CSTPP1: variants seen among roughly 807,000 people sequenced by gnomAD.
CSTPP1 encodes centriolar satellite-associated tubulin polyglutamylase complex regulator 1, also known as UPF0705 protein C11orf49.
chr11:47,111,751 A>G, the CSTPP1 span, among the ~76,000 whole-genome samples: 1 of 152,184 alleles, frequency 6.6e-6, no homozygotes, highest in Non-Finnish European at 1.5e-5. Flanking sequence ...ACCAAAGTAC[A>G]TAAATGGTGC....
chr11:47,022,266 A>C, the CSTPP1 span, among the ~76,000 whole-genome samples: 2 of 151,222 alleles, frequency 1.3e-5, no homozygotes, highest in African/African-American at 4.9e-5. Flanking sequence ...TTGTAAATGA[A>C]TTTGATGTCT....
chr11:47,101,620 T>C, the CSTPP1 span, among the ~76,000 whole-genome samples: 1 of 151,982 alleles, frequency 6.6e-6, no homozygotes, highest in Non-Finnish European at 1.5e-5. Context: ...AAAACTTGCA[T>C]ACCTCCTATA....
chr11:47,037,429 C>T, the CSTPP1 span, among the ~76,000 whole-genome samples: 2 of 117,446 alleles, frequency 1.7e-5, no homozygotes, highest in African/African-American at 2.6e-5. Flanking sequence ...GGGTGTTTCT[C>T]GCAGAGGGGG....
the CSTPP1 span, among the ~76,000 whole-genome samples, chr11:47,038,453 G>A: frequency 9.4e-6 from 1 of 106,894 alleles, no homozygotes; most frequent in Admixed American, 9.4e-5. Flanking sequence ...CCGGGCGGGG[G>A]GCTGACCCCC....
the CSTPP1 span, chr11:47,157,867 C>T: frequency 2.5e-6 from 4 of 1,614,124 alleles, no homozygotes; most frequent in Non-Finnish European, 3.4e-6. Flanking sequence ...AGAGACTGAC[C>T]TTCTATGGAT....
At chr11:46,990,265 A>C in the CSTPP1 span, among the ~76,000 whole-genome samples, 2 of 152,320 alleles carry the variant, frequency 1.3e-5, no homozygotes, top group African/African-American at 4.8e-5. Context: ...ACAGTGTATA[A>C]GCATCCTCTT....
the CSTPP1 span, among the ~76,000 whole-genome samples, chr11:47,116,615 G>A: frequency 7.2e-6 from 1 of 139,548 alleles, no homozygotes; most frequent in Non-Finnish European, 1.6e-5. Context: ...TTTAAAGCCT[G>A]TTTTATCAGA....
the CSTPP1 span, among the ~76,000 whole-genome samples, chr11:47,127,903 G>A: frequency 2.3e-4 from 34 of 150,884 alleles, no homozygotes; most frequent in Admixed American, 7.3e-4. Context: ...ATGGAGTCTC[G>A]CTGTGTCATG....
chr11:47,060,610 A>G, the CSTPP1 span, among the ~76,000 whole-genome samples: 5 of 152,100 alleles, frequency 3.3e-5, no homozygotes. Flanking sequence ...GTGCACTAAA[A>G]AGCATAAGAA....
the CSTPP1 span, among the ~76,000 whole-genome samples, chr11:47,013,209 G>A: frequency 1.4e-5 from 2 of 147,538 alleles, no homozygotes; most frequent in African/African-American, 5.0e-5. Flanking sequence ...ATATATAAAT[G>A]GTTATATATA....
chr11:47,014,982 C>A, the CSTPP1 span, among the ~76,000 whole-genome samples: 1 of 151,580 alleles, frequency 6.6e-6, no homozygotes, highest in Non-Finnish European at 1.5e-5. Flanking sequence ...CTGATCACAA[C>A]AAAAGAGAGA....
At chr11:47,068,554 T>C in the CSTPP1 span, among the ~76,000 whole-genome samples, 1 of 152,090 alleles carries the variant, frequency 6.6e-6, no homozygotes, top group South Asian at 2.1e-4. Flanking sequence ...AGAAAACTTC[T>C]TGTATAATTT....
At chr11:46,955,459 G>A in the CSTPP1 span, among the ~76,000 whole-genome samples, 1 of 151,646 alleles carries the variant, frequency 6.6e-6, no homozygotes, top group East Asian at 2.0e-4. Flanking sequence ...CGCCTTCCAG[G>A]TTAAAGCGAT....
the CSTPP1 span, among the ~76,000 whole-genome samples, chr11:47,078,191 A>G: frequency 5.9e-5 from 9 of 152,366 alleles, no homozygotes; most frequent in Admixed American, 2.0e-4. Flanking sequence ...AAGCAAAGCA[A>G]AAAACAGAGG....
chr11:47,152,215 C>T, the CSTPP1 span, among the ~76,000 whole-genome samples: 1 of 151,646 alleles, frequency 6.6e-6, no homozygotes, highest in East Asian at 1.9e-4. Context: ...CACCACTGCA[C>T]TCCAGCCTGG....
the CSTPP1 span, among the ~76,000 whole-genome samples, chr11:47,077,348 C>T: frequency 1.4e-4 from 21 of 151,844 alleles, no homozygotes; most frequent in Non-Finnish European, 2.5e-4. Flanking sequence ...TAGAGGCACC[C>T]GCCACCACAC....
the CSTPP1 span, among the ~76,000 whole-genome samples, chr11:47,097,100 A>G: frequency 7.9e-4 from 77 of 97,394 alleles, no homozygotes; most frequent in Middle Eastern, 9.3e-3. Flanking sequence ...GGAGGGAGGT[A>G]GGGGGGTCAG....
the CSTPP1 span, among the ~76,000 whole-genome samples, chr11:47,047,276 T>G: frequency 6.6e-6 from 1 of 152,160 alleles, no homozygotes; most frequent in South Asian, 2.1e-4. Context: ...TCATATGGAA[T>G]AGCCAGGACA....
the CSTPP1 span, among the ~76,000 whole-genome samples, chr11:47,147,340 T>C: frequency 3.3e-5 from 5 of 152,148 alleles, no homozygotes; most frequent in Admixed American, 2.6e-4. Flanking sequence ...CTCTCACCAA[T>C]GATGGCCTGG....
Sources: gnomAD v4.1 joint callset for allele counts (sites outside exome capture counted in the v4.1 genomes callset) on GRCh38, gnomAD v4.1.1 for gene constraint, MANE v1.5 for transcripts, NCBI Gene and HGNC (gene_info 2026-07-23, HGNC 2026-07-21) for gene names.